Variants in TLK2 observed in about 807,000 individuals in gnomAD.
TLK2 encodes the protein serine/threonine-protein kinase tousled-like 2.
Under a neutral mutation model 117.3 loss-of-function variants are expected in TLK2, and 6 were observed. The ratio of observed to expected loss-of-function variants is 0.05; its 90% CI spans 0.03 to 0.10. The LOEUF is 0.10. Ranked by LOEUF, TLK2 falls within the 10% of genes least tolerant of loss-of-function variation. TLK2 has a pLI of 1.00. For missense variants in TLK2, 299 were observed against 901.2 expected (o/e 0.33, Z 8.56); for synonymous variants, 257 against 316.7 (o/e 0.81, Z 2.00).
chr17:62,501,827 T>C (rs1422379917), intron 2 of TLK2, among the ~76,000 whole-genome samples: 1 of 151,844 alleles, frequency 6.6e-6, no homozygotes, highest in Non-Finnish European at 1.5e-5. Flanking sequence ...ATTAGTCAGG[T>C]GTGGTGGTGC....
At chr17:62,526,648 A>G (rs1185405129) in intron 6 of TLK2, among the ~76,000 whole-genome samples, 2 of 151,928 alleles carry the variant, frequency 1.3e-5, no homozygotes, top group Non-Finnish European at 2.9e-5. Context: ...CTTCCCTACC[A>G]TAACAATAAC....
At chr17:62,544,736 A>G (rs2077779274) in intron 7 of TLK2, among the ~76,000 whole-genome samples, 1 of 152,188 alleles carries the variant, frequency 6.6e-6, no homozygotes, top group Admixed American at 6.5e-5. Context: ...TTCAGTTTCT[A>G]TAAATAAACC....
At chr17:62,538,926 T>C (rs1385986763) in intron 7 of TLK2, among the ~76,000 whole-genome samples, 2 of 152,128 alleles carry the variant, frequency 1.3e-5, no homozygotes, top group Admixed American at 1.3e-4. Context: ...GCAAAGACTG[T>C]TTTTGAAAAG....
At chr17:62,589,497 ACATGGCTCAGT>A (rs1377039352) in intron 16 of TLK2, among the ~76,000 whole-genome samples, 1 of 152,212 alleles carries the variant, frequency 6.6e-6, no homozygotes, top group African/African-American at 2.4e-5. Flanking sequence ...TGAAAGTTGA[ACATGGCTCAGT>A]CATTGCCTTG....
chr17:62,503,818 T>A (rs1025145250), intron 2 of TLK2, among the ~76,000 whole-genome samples: 1 of 149,234 alleles, frequency 6.7e-6, no homozygotes, highest in African/African-American at 2.5e-5. Flanking sequence ...AGCCTCCCCC[T>A]CCCAGGTTCA....
intron 11 of TLK2, among the ~76,000 whole-genome samples, chr17:62,569,580 C>T (rs2080104357): frequency 6.6e-6 from 1 of 151,246 alleles, no homozygotes; most frequent in African/African-American, 2.4e-5. Flanking sequence ...GGACTACAGG[C>T]ACACACCACC....
intron 21 of TLK2, among the ~76,000 whole-genome samples, chr17:62,611,158 A>G (rs2083728250): frequency 6.6e-6 from 1 of 152,204 alleles, no homozygotes; most frequent in Non-Finnish European, 1.5e-5. Context: ...TTTAAAAAAC[A>G]GTTTGACCAG....
chr17:62,577,178 G>A (rs577458009), intron 13 of TLK2, among the ~76,000 whole-genome samples: 136 of 151,992 alleles, frequency 8.9e-4, no homozygotes, highest in African/African-American at 3.0e-3. Context: ...GGCTGGTCTC[G>A]AACTCCTGAC....
chr17:62,543,077 A>G (rs530104908), intron 7 of TLK2, among the ~76,000 whole-genome samples: 16 of 152,288 alleles, frequency 1.1e-4, no homozygotes, highest in Admixed American at 9.8e-4. Flanking sequence ...TTTCCTTTTA[A>G]TTACTAATGA....
At chr17:62,585,479 A>C (rs551788580) in intron 15 of TLK2, 1 of 152,476 alleles carries the variant, frequency 6.6e-6, no homozygotes, top group South Asian at 2.1e-4. Context: ...CAGAGGTTGC[A>C]GTGAGCCAAG....
At chr17:62,571,903 C>A (rs567511601) in intron 11 of TLK2, among the ~76,000 whole-genome samples, 1 of 152,098 alleles carries the variant, frequency 6.6e-6, no homozygotes, top group South Asian at 2.1e-4. Flanking sequence ...CACGGTGGCT[C>A]ATGCCTGTAA....
rs1598408649 is a variant in TLK2, at chr17:62,531,277, C to G, written c.364-4893C>G. Among the ~76,000 whole-genome samples, 7 of 147,902 alleles carry G rather than the reference C, an allele frequency of 4.7e-5. No individual in the cohort carries two copies. In the South Asian group the frequency reaches 1.3e-3, roughly 27 times the overall value. On this transcript the variant is annotated intron_variant, in intron 6 of 21. Transcript: ENST00000346027. ...TTTTGACTTTTTTTGTATTTTTGTT[C>G]TTCTTGTCTTTATATACTCCATCAT... is the stretch of plus-strand genomic sequence containing the variant.
intron 17 of TLK2, 23 bp downstream of exon 17, chr17:62,596,697 T>G: frequency 6.3e-7 from 1 of 1,591,486 alleles, no homozygotes; most frequent in South Asian, 1.1e-5. Flanking sequence ...CTGTTTTACC[T>G]TAACAGTTAT....
chr17:62,479,799 T>TCCGGG (rs1328460154), intron 1 of TLK2, among the ~76,000 whole-genome samples: 1 of 152,154 alleles, frequency 6.6e-6, no homozygotes, highest in African/African-American at 2.4e-5. Flanking sequence ...GGCGTCATTT[T>TCCGGG]CCGGGCCGGG....
intron 2 of TLK2, among the ~76,000 whole-genome samples, chr17:62,487,551 G>A (rs2072565041): frequency 6.8e-6 from 1 of 147,146 alleles, no homozygotes; most frequent in African/African-American, 2.5e-5. Context: ...TCAGCAAGGA[G>A]ATATCTGTAA....
intron 2 of TLK2, among the ~76,000 whole-genome samples, chr17:62,506,094 A>T (rs1378218645): frequency 6.6e-6 from 1 of 152,234 alleles, no homozygotes; most frequent in East Asian, 1.9e-4. Flanking sequence ...AGTCATAAGT[A>T]ACAGTTATCT....
chr17:62,533,409 A>AT (rs71357028), intron 6 of TLK2, among the ~76,000 whole-genome samples: 28,530 of 85,692 alleles, frequency 0.33, 6,825 homozygotes, highest in Middle Eastern at 0.43. Flanking sequence ...TGTGTGTGTA[A>AT]TTTTTTTTTT....
chr17:62,505,884 G>A (rs1452123559), intron 2 of TLK2, among the ~76,000 whole-genome samples: 2 of 152,070 alleles, frequency 1.3e-5, no homozygotes, highest in African/African-American at 4.8e-5. Context: ...GTAGAGATGG[G>A]GTTTTGCCAT....
chr17:62,587,777 G>A, intron 16 of TLK2, among the ~76,000 whole-genome samples: 1 of 152,126 alleles, frequency 6.6e-6, no homozygotes, highest in Non-Finnish European at 1.5e-5. Flanking sequence ...GGGATGAGTG[G>A]CACACCGTAG....
Sources: gnomAD v4.1 joint callset for allele counts (sites outside exome capture counted in the v4.1 genomes callset) on GRCh38, gnomAD v4.1.1 for gene constraint, MANE v1.5 for transcripts, NCBI Gene and HGNC (gene_info 2026-07-23, HGNC 2026-07-21) for gene names.